The following CASD1 variants were observed in gnomAD, a reference collection of about 807,000 sequenced individuals.
CASD1 encodes the protein N-acetylneuraminate (7)9-O-acetyltransferase.
A neutral mutation model predicts 100.0 loss-of-function variants in CASD1; 41 were observed. The observed-to-expected ratio is 0.41, with a 90% CI of 0.32 to 0.53. The LOEUF is 0.53. Ranked by LOEUF, CASD1 falls within the 20% of genes least tolerant of loss-of-function variation. The pLI, the probability that CASD1 is intolerant of heterozygous loss-of-function variation, is 0.25. For missense variants in CASD1, 774 were observed against 948.7 expected (o/e 0.82, Z 2.42); for synonymous variants, 321 against 315.6 (o/e 1.02, Z -0.18).
chr7:94,616,839 A>C, the CASD1 span: 1 of 152,228 alleles, frequency 6.6e-6, no homozygotes, highest in Non-Finnish European at 1.5e-5. Context: ...GGCATTGCGT[A>C]CAATTTATAG....
chr7:94,559,276 C>CTCTGTG (rs1554417390), downstream of CASD1, among the ~76,000 whole-genome samples: 3 of 137,508 alleles, frequency 2.2e-5, no homozygotes, highest in African/African-American at 8.1e-5. Flanking sequence ...GTATATATGT[C>CTCTGTG]TGTGTGTGTG....
At chr7:94,626,130 A>C in the CASD1 span, 1 of 152,064 alleles carries the variant, frequency 6.6e-6, no homozygotes, top group South Asian at 2.1e-4. Flanking sequence ...TTAGTGAAAT[A>C]TCTGTTTCTT....
chr7:94,513,464 A>G (rs184653473), intron 1 of CASD1, among the ~76,000 whole-genome samples: 35 of 152,186 alleles, frequency 2.3e-4, no homozygotes, highest in Non-Finnish European at 4.9e-4. Flanking sequence ...CAGGTTCACA[A>G]TCTAAACGTG....
intron 8 of CASD1, 92 bp from the exon 9 acceptor site, chr7:94,537,380 G>A: frequency 8.9e-7 from 1 of 1,121,198 alleles, no homozygotes; most frequent in Non-Finnish European, 1.3e-6. Context: ...TCTGGTTTCA[G>A]TGCTAAAAAC....
intron 1 of CASD1, among the ~76,000 whole-genome samples, chr7:94,516,985 C>T (rs140875710): frequency 9.7e-4 from 147 of 151,924 alleles, no homozygotes; most frequent in African/African-American, 3.0e-3. Context: ...CTCACTGCAA[C>T]CTCTGCCTCC....
chr7:94,552,564 G>A (rs960660532), intron 16 of CASD1, 137 bp downstream of exon 16: 35 of 614,022 alleles, frequency 5.7e-5, no homozygotes, highest in African/African-American at 5.3e-4. Flanking sequence ...TCCTTTCTCT[G>A]TAGTAATAGG....
At chr7:94,585,963 T>C in the CASD1 span, among the ~76,000 whole-genome samples, 1 of 150,896 alleles carries the variant, frequency 6.6e-6, no homozygotes, top group Non-Finnish European at 1.5e-5. Context: ...AACTGCTCTA[T>C]TATCCCAGCT....
At chr7:94,628,468 C>A in the CASD1 span, 3 of 855,646 alleles carry the variant, frequency 3.5e-6, no homozygotes, top group African/African-American at 1.7e-5. Flanking sequence ...ACATTTGTAG[C>A]CAACTAAATA....
intron 3 of CASD1, among the ~76,000 whole-genome samples, chr7:94,526,180 G>A (rs878891829): frequency 2.0e-5 from 3 of 152,162 alleles, no homozygotes; most frequent in African/African-American, 7.2e-5. Context: ...CTACTCTAAC[G>A]TCTTAACAAA....
At chr7:94,582,888 CT>C in the CASD1 span, among the ~76,000 whole-genome samples, 1 of 152,318 alleles carries the variant, frequency 6.6e-6, no homozygotes, top group African/African-American at 2.4e-5. Context: ...AGAACACTCT[CT>C]GACTTATAGT....
At position 94,545,573 on chromosome 7, in the gene CASD1, T is replaced by C. The variant is rs749144058; in HGVS notation, c.1505T>C (p.Val502Ala). ...QVLFRLNFLV[V>A]VLCIVMDRPY... is the part of the protein sequence containing the mutation. ...TTATTTCGTCTCAATTTCCTGGTAG[T>C]GGTGTTATGTATAGTAATGGATCGA... is the stretch of plus-strand genomic sequence containing the variant. Residue 502 changes from valine (V) to alanine (A), a missense_variant, in exon 12 of 18, where the codon GTG becomes GCG. Physicochemically the swap from Val to Ala is moderately conservative, Grantham distance 64. Transcript: ENST00000297273. 3.7e-6 allele frequency: 6 copies of C among 1,606,378 alleles called. No homozygotes were observed. Among genetic ancestry groups the C allele is most frequent in the Non-Finnish European group, 4.3e-6 (5 of 1,174,588 alleles).
chr7:94,612,084 T>G, the CASD1 span, among the ~76,000 whole-genome samples: 1 of 152,212 alleles, frequency 6.6e-6, no homozygotes, highest in Non-Finnish European at 1.5e-5. Context: ...TTTTCCTTGG[T>G]AATTGTGAAA....
At chr7:94,600,607 C>G in the CASD1 span, 1 of 1,424,478 alleles carries the variant, frequency 7.0e-7, no homozygotes, top group Non-Finnish European at 9.9e-7. Context: ...GTTATCTTAG[C>G]AGGATCTCTA....
chr7:94,520,752 C>T (rs1168332608), intron 3 of CASD1, among the ~76,000 whole-genome samples: 3 of 152,000 alleles, frequency 2.0e-5, no homozygotes, highest in Non-Finnish European at 2.9e-5. Context: ...GGTCAAGAGA[C>T]GGAGACCATC....
the CASD1 span, among the ~76,000 whole-genome samples, chr7:94,580,765 T>A: frequency 1.6e-4 from 24 of 152,234 alleles, 2 homozygotes; most frequent in Admixed American, 1.3e-3. Context: ...ACCCTTTTGC[T>A]CATACTTGGA....
At chr7:94,553,173 A>AAAAG (rs1796032152) in intron 16 of CASD1, 1 of 454,376 alleles carries the variant, frequency 2.2e-6, no homozygotes, top group African/African-American at 2.0e-5. Flanking sequence ...TATACTATTA[A>AAAAG]TTATTTACAA....
At chr7:94,518,648 T>C (rs901232485) in intron 3 of CASD1, among the ~76,000 whole-genome samples, 1 of 152,130 alleles carries the variant, frequency 6.6e-6, no homozygotes, top group Non-Finnish European at 1.5e-5. Flanking sequence ...CCTGTTAGTA[T>C]TTTTCCATAC....
intron 14 of CASD1, 36 bp from the exon 15 acceptor site, chr7:94,551,302 A>G: frequency 6.7e-7 from 1 of 1,492,632 alleles, no homozygotes; most frequent in East Asian, 2.6e-5. Flanking sequence ...TTGAAAAGTA[A>G]CTGTTTAAAA....
chr7:94,581,417 G>A, the CASD1 span, among the ~76,000 whole-genome samples: 23 of 152,020 alleles, frequency 1.5e-4, no homozygotes, highest in Non-Finnish European at 2.6e-4. Flanking sequence ...AGGATGTGCA[G>A]GTTTCTTCAT....
Sources: gnomAD v4.1 joint callset for allele counts (sites outside exome capture counted in the v4.1 genomes callset) on GRCh38, gnomAD v4.1.1 for gene constraint, MANE v1.5 for transcripts, NCBI Gene and HGNC (gene_info 2026-07-23, HGNC 2026-07-21) for gene names.